The following PAX2 variants were observed in gnomAD, a reference collection of about 807,000 sequenced individuals.
PAX2 encodes the protein paired box protein Pax-2.
A neutral mutation model predicts 41.7 loss-of-function variants in PAX2; 9 were observed. That is an observed-to-expected ratio of 0.22 (90% confidence interval 0.13 to 0.38). The LOEUF (loss-of-function observed/expected upper bound fraction) is 0.38, where lower values mean the gene tolerates loss of function less well. Ranked by LOEUF, PAX2 falls within the 10% of genes least tolerant of loss-of-function variation. The pLI, the probability that PAX2 is intolerant of heterozygous loss-of-function variation, is 1.00. For synonymous variants in PAX2, 221 were observed against 212.7 expected (o/e 1.04, Z -0.34); for missense variants, 418 against 531.6 (o/e 0.79, Z 2.10).
At chr10:100,787,636 G>C (rs796887706) in intron 5 of PAX2, among the ~76,000 whole-genome samples, 1 of 151,966 alleles carries the variant, frequency 6.6e-6, no homozygotes, top group Non-Finnish European at 1.5e-5. Context: ...GCAGGGCCTC[G>C]GTATCAGCCT....
At chr10:100,815,566 C>T (rs559181503) in intron 7 of PAX2, among the ~76,000 whole-genome samples, 1 of 152,238 alleles carries the variant, frequency 6.6e-6, no homozygotes, top group Admixed American at 6.5e-5. Flanking sequence ...CAGCCCCCAA[C>T]CTCAGCTCTG....
chr10:100,779,221 C>T (rs919012851), intron 3 of PAX2, among the ~76,000 whole-genome samples: 2 of 152,236 alleles, frequency 1.3e-5, no homozygotes, highest in African/African-American at 4.8e-5. Context: ...CTGCCCTGAT[C>T]TTTGCTACCA....
intron 5 of PAX2, among the ~76,000 whole-genome samples, chr10:100,782,389 CGT>C (rs1357495739): frequency 1.3e-5 from 2 of 152,254 alleles, no homozygotes; most frequent in Non-Finnish European, 2.9e-5. Context: ...TCAAAAATGT[CGT>C]GTTTGGACAA....
intron 3 of PAX2, among the ~76,000 whole-genome samples, chr10:100,767,476 A>T (rs1245862589): frequency 1.3e-5 from 2 of 152,150 alleles, no homozygotes; most frequent in East Asian, 3.8e-4. Flanking sequence ...AGTGAAAATG[A>T]CAGAGCTCCA....
At chr10:100,757,613 T>C (rs549936108) in intron 3 of PAX2, among the ~76,000 whole-genome samples, 2 of 152,342 alleles carry the variant, frequency 1.3e-5, no homozygotes, top group African/African-American at 2.4e-5. Flanking sequence ...CCTCCAAAGC[T>C]GTGGTCCCGC....
At position 100,746,118 on chromosome 10, in the gene PAX2, G is replaced by A; in HGVS notation, c.-143G>A. The stretch of plus-strand genomic sequence containing the variant: ...CGGGGAGCGCAGTGCTGCGCCCCCC[G>A]CCCCCGCGCGCCCCGCAGCAGCCGG... On this transcript the variant is annotated 5_prime_UTR_variant, in exon 1 of 10. Coordinates refer to ENST00000355243, the MANE Select transcript of PAX2 (RefSeq NM_000278.5). 2.2e-6 allele frequency: 3 copies of A among 1,339,176 alleles called. No homozygotes were observed. Among genetic ancestry groups the A allele is most frequent in the Non-Finnish European group, 2.9e-6 (3 of 1,025,904 alleles). 83.0% of individuals were successfully genotyped at this position (1,339,176 alleles called of 1,614,324 possible). A position where few individuals can be genotyped will look rare whatever the true frequency, so the allele number is the denominator to read the frequency against.
intron 3 of PAX2, among the ~76,000 whole-genome samples, chr10:100,766,469 A>G (rs1165583735): frequency 6.6e-6 from 1 of 152,200 alleles, no homozygotes; most frequent in African/African-American, 2.4e-5. Flanking sequence ...TGCTGTTCCC[A>G]TTGGGATTGG....
At position 100,804,134 on chromosome 10, in the gene PAX2, G is replaced by C. The variant is rs547581405; in HGVS notation, c.617-2296G>C. 1.3e-4 allele frequency among the ~76,000 whole-genome samples: 20 copies of C among 152,198 alleles called. 2 individuals are homozygous for C. In the South Asian group the frequency reaches 4.2e-3, roughly 32 times the overall value. The stretch of plus-strand genomic sequence containing the variant: ...CAGATATCATATATCACCTCTCTGC[G>C]GGCCGGGGAGAGAGCACCATAATCT... On this transcript the variant is annotated intron_variant, in intron 5 of 9. Coordinates refer to ENST00000355243, the MANE Select transcript of PAX2 (RefSeq NM_000278.5).
At chr10:100,777,431 A>G (rs1168650071) in intron 3 of PAX2, among the ~76,000 whole-genome samples, 5 of 111,528 alleles carry the variant, frequency 4.5e-5, no homozygotes, top group Admixed American at 1.0e-4. Context: ...GTCTCACTCT[A>G]TTGCCCAGAC....
chr10:100,744,118 G>A (rs1301231661), upstream of PAX2, among the ~76,000 whole-genome samples: 1 of 152,228 alleles, frequency 6.6e-6, no homozygotes. Context: ...TAGTAGTTAG[G>A]CTGAGTCAGG....
chr10:100,762,318 A>C (rs2133860820), intron 3 of PAX2, among the ~76,000 whole-genome samples: 1 of 152,260 alleles, frequency 6.6e-6, no homozygotes, highest in East Asian at 1.9e-4. Context: ...TCTTCCTGCC[A>C]GTTCCAAGTG....
In PAX2 at chr10:100,824,726, C is replaced by T. The variant is rs267602339; in HGVS notation, c.998C>T (p.Ser333Phe). Reference sequence around the variant, plus strand: ...ACTGGCCAGGGAAGCTACCCCACCTCCACCCTGGCAGGAATGGTGCCTGGT... The same window carrying T: ...ACTGGCCAGGGAAGCTACCCCACCTTCACCCTGGCAGGAATGGTGCCTGGT... ...PPTGQGSYPT[S>F]TLAGMVPGSE... is the part of the protein sequence containing the mutation. Residue 333 changes from serine (S) to phenylalanine (F), a missense_variant, in exon 8 of 10, where the codon TCC (serine) becomes TTC (phenylalanine). Physicochemically the swap from Ser to Phe is radical, Grantham distance 155. Coordinates refer to ENST00000355243, the MANE Select transcript of PAX2 (RefSeq NM_000278.5). This position sits in a 1 kb window ranked among gnomAD's most constrained non-coding sequence, Gnocchi z 6.6. 1 of 1,605,974 alleles carries T rather than the reference C, an allele frequency of 6.2e-7. No homozygotes were observed. Among genetic ancestry groups the T allele is most frequent in the South Asian group, 1.1e-5 (1 of 90,918 alleles).
intron 7 of PAX2, among the ~76,000 whole-genome samples, chr10:100,817,913 T>G (rs1480067240): frequency 6.6e-6 from 1 of 152,242 alleles, no homozygotes; most frequent in South Asian, 2.1e-4. Flanking sequence ...AGATATACGT[T>G]GAATTGGTCA....
rs7911860 is a variant in PAX2 at position 100,739,509 on chromosome 10, G to T, written c.25+3776G>T. ...GGCTCGCAACTCTGGGAAACTCAGC[G>T]CGGGTCCTCCCGCCCCTCTCCAACT... On this transcript the variant is annotated intron_variant, in intron 1 of 9. Transcript: ENST00000679374. Among the ~76,000 whole-genome samples the T allele has an allele frequency of 1.1e-3, 171 of 152,192 alleles. 1 individual carries two copies. The highest frequency in any genetic ancestry group is 3.6e-3 in the African/African-American group (151 of 41,548).
Position 100,826,938 on chromosome 10 carries a change from C to A in PAX2, c.1022-71C>A. ...CCGGCGGGAGGAGCGGGCGGAGAAGCCACCGGCCGGACTCGTGGGGTCCGC... is the reference window on the plus strand; with the variant it reads ...CCGGCGGGAGGAGCGGGCGGAGAAGACACCGGCCGGACTCGTGGGGTCCGC... On this transcript the variant is annotated intron_variant, in intron 8 of 9. Coordinates refer to ENST00000355243, the MANE Select transcript of PAX2 (RefSeq NM_000278.5). The surrounding 1 kb of genome is among the most constrained non-coding windows in gnomAD (Gnocchi z 5.5). 9.6e-7 allele frequency: 1 copy of A among 1,045,948 alleles called. No homozygotes were observed. The highest frequency in any genetic ancestry group is 1.5e-6 in the Non-Finnish European group (1 of 672,124). 64.8% of individuals were successfully genotyped at this position (1,045,948 alleles called of 1,614,324 possible).
intron 3 of PAX2, among the ~76,000 whole-genome samples, chr10:100,758,203 C>T (rs559905535): frequency 1.3e-5 from 2 of 149,512 alleles, no homozygotes; most frequent in East Asian, 2.0e-4. Flanking sequence ...TGCAATGGCA[C>T]GATCTCAGCT....
chr10:100,779,800 C>T (rs1846539797), intron 4 of PAX2, among the ~76,000 whole-genome samples: 1 of 152,154 alleles, frequency 6.6e-6, no homozygotes, highest in Non-Finnish European at 1.5e-5. Flanking sequence ...CCTCCCTCTG[C>T]CCTGCTTTAG....
intron 7 of PAX2, among the ~76,000 whole-genome samples, chr10:100,820,827 C>T (rs1219967848): frequency 6.6e-6 from 1 of 152,234 alleles, no homozygotes; most frequent in Non-Finnish European, 1.5e-5. Flanking sequence ...ATTTCTGATG[C>T]TGTTTTTATG....
At position 100,824,566 on chromosome 10, in the gene PAX2, C is replaced by T; in HGVS notation, c.920-82C>T. 1 of 982,042 alleles carries T rather than the reference C, an allele frequency of 1.0e-6. No individual in the cohort carries two copies. Among genetic ancestry groups the T allele is most frequent in the East Asian group, 2.4e-5 (1 of 42,154 alleles). The allele number at this position is 982,042 out of a possible 1,614,324, so 60.8% of individuals were successfully genotyped here. ...AGAGCTCTTTCCTCTCCAAGAGTTTCCTCTCCGTGCAGTACCCTGGTGTGA... is the reference window on the plus strand; with the variant it reads ...AGAGCTCTTTCCTCTCCAAGAGTTTTCTCTCCGTGCAGTACCCTGGTGTGA... On this transcript the variant is annotated intron_variant, in intron 7 of 9. Coordinates refer to ENST00000355243, the MANE Select transcript of PAX2 (RefSeq NM_000278.5). This position sits in a 1 kb window ranked among gnomAD's most constrained non-coding sequence, Gnocchi z 6.6.
Sources: gnomAD v4.1 joint callset for allele counts (sites outside exome capture counted in the v4.1 genomes callset) on GRCh38, gnomAD v4.1.1 for gene constraint, Gnocchi (gnomAD v3.1) non-coding constraint, MANE v1.5 for transcripts, NCBI Gene and HGNC (gene_info 2026-07-23, HGNC 2026-07-21) for gene names.